The following PPP1R9A variants were observed in gnomAD, a reference collection of about 807,000 sequenced individuals.
PPP1R9A encodes the protein protein phosphatase 1 regulatory subunit 9A.
Under a neutral mutation model 141.9 loss-of-function variants are expected in PPP1R9A, and 59 were observed. That is an observed-to-expected ratio of 0.42 (90% confidence interval 0.34 to 0.52). The LOEUF is 0.52. Ranked by LOEUF, PPP1R9A falls within the 20% of genes least tolerant of loss-of-function variation. The probability of loss-of-function intolerance (pLI) is 0.10; values close to 1 mark genes in which losing one functional copy is unlikely to be tolerated. For synonymous variants in PPP1R9A, 500 were observed against 569.7 expected (o/e 0.88, Z 1.74); for missense variants, 1,444 against 1,611.9 (o/e 0.90, Z 1.78).
intron 2 of PPP1R9A, among the ~76,000 whole-genome samples, chr7:94,927,268 A>G (rs1793598644): frequency 6.6e-6 from 1 of 152,154 alleles, no homozygotes. Flanking sequence ...GCCCTTGATA[A>G]TATCCTCTTT....
chr7:95,008,108 A>G (rs988918217), intron 2 of PPP1R9A, among the ~76,000 whole-genome samples: 1 of 152,096 alleles, frequency 6.6e-6, no homozygotes, highest in Non-Finnish European at 1.5e-5. Context: ...ACCAAGCTTC[A>G]GTTTTTTCTC....
Position 95,290,310 on chromosome 7 carries a change from C to T in PPP1R9A, c.*7C>T. ...GGGTGCTGGTGAGCAGTAACACATA[C>T]CCTCTTACAGATGATGGAGATGCTC... On this transcript the variant is annotated 3_prime_UTR_variant, in exon 20 of 20. Coordinates refer to ENST00000433360, the MANE Select transcript of PPP1R9A (RefSeq NM_001166160.2). 1 of 1,604,666 alleles carries T rather than the reference C, an allele frequency of 6.2e-7. No homozygotes were observed. Among genetic ancestry groups the T allele is most frequent in the Non-Finnish European group, 8.5e-7 (1 of 1,175,328 alleles).
chr7:95,252,665 G>A (rs1458550590), intron 12 of PPP1R9A, among the ~76,000 whole-genome samples: 2 of 151,796 alleles, frequency 1.3e-5, no homozygotes, highest in Non-Finnish European at 2.9e-5. Context: ...GTGGGCTTTT[G>A]CCTTGTTGGC....
rs115299139 is a variant in PPP1R9A at position 94,941,028 on chromosome 7, G to A, written c.1395+29520G>A. Among the ~76,000 whole-genome samples, 296 of 152,176 alleles carry A rather than the reference G, an allele frequency of 1.9e-3. 2 individuals are homozygous for A. Among genetic ancestry groups the A allele is most frequent in the African/African-American group, 6.5e-3 (271 of 41,554 alleles). On this transcript the variant is annotated intron_variant, in intron 2 of 19. Transcript: ENST00000433360. ...GGAATACATTATGCACAGTTACTGT[G>A]TGTCTTCATTTTGCAGAAAGAAAAG...
At position 95,074,179 on chromosome 7, in the gene PPP1R9A, A is replaced by C. The variant is rs558096000; in HGVS notation, c.1396-37080A>C. On this transcript the variant is annotated intron_variant, in intron 2 of 19. Coordinates refer to ENST00000433360, the MANE Select transcript of PPP1R9A (RefSeq NM_001166160.2). ...TGAGCTTTCAGTAAACTTGTGTATG[A>C]AAAGTACTTAGTTATTGGCAAAATA... Among the ~76,000 whole-genome samples, 83 of 152,320 alleles carry C rather than the reference A, an allele frequency of 5.4e-4. 1 individual carries two copies. The highest frequency in any genetic ancestry group is 1.9e-3 in the African/African-American group (80 of 41,588).
At position 94,910,847 on chromosome 7, in the gene PPP1R9A, A is replaced by G. The variant is rs1562978200; in HGVS notation, c.734A>G (p.Asn245Ser). 1 of 1,613,918 alleles carries G rather than the reference A, an allele frequency of 6.2e-7. No homozygotes were observed. Among genetic ancestry groups the G allele is most frequent in the Non-Finnish European group, 8.5e-7 (1 of 1,180,016 alleles). Residue 245 changes from asparagine (N) to serine (S), a missense_variant, in exon 2 of 20, where the codon AAT becomes AGT. This residue lies in a region of PPP1R9A where 490 missense variants were observed against 521.1 expected (regional missense o/e 0.94). Coordinates refer to ENST00000433360, the MANE Select transcript of PPP1R9A (RefSeq NM_001166160.2). This position sits in a 1 kb window ranked among gnomAD's most constrained non-coding sequence, Gnocchi z 4.5. ...AATTTACCATCTGTTACTGTTACAAATCTTGACACATTTGGTCACCTGAAG... is the reference window on the plus strand; with the variant it reads ...AATTTACCATCTGTTACTGTTACAAGTCTTGACACATTTGGTCACCTGAAG... ...PLNLPSVTVTNLDTFGHLKDS... is the reference protein window; with the variant it reads ...PLNLPSVTVTSLDTFGHLKDS...
intron 4 of PPP1R9A, among the ~76,000 whole-genome samples, chr7:95,145,014 A>G (rs1011511862): frequency 6.6e-6 from 1 of 152,226 alleles, no homozygotes; most frequent in African/African-American, 2.4e-5. Context: ...ATACTTTGTA[A>G]TATATTTAAC....
chr7:95,005,184 T>C (rs926411556), intron 2 of PPP1R9A, among the ~76,000 whole-genome samples: 1 of 152,142 alleles, frequency 6.6e-6, no homozygotes, highest in Non-Finnish European at 1.5e-5. Context: ...AAGTGATTTA[T>C]TTACTTTTTA....
intron 2 of PPP1R9A, among the ~76,000 whole-genome samples, chr7:94,968,045 A>G (rs1393518148): frequency 6.6e-6 from 1 of 152,182 alleles, no homozygotes; most frequent in Non-Finnish European, 1.5e-5. Context: ...GTGGGAGTCT[A>G]AATCTCTTCG....
At chr7:95,236,754 G>T (rs1455530892) in intron 8 of PPP1R9A, among the ~76,000 whole-genome samples, 3 of 149,448 alleles carry the variant, frequency 2.0e-5, no homozygotes, top group African/African-American at 7.4e-5. Flanking sequence ...CTTCTTGGTT[G>T]ATTAATTGCA....
chr7:95,093,599 CATT>C (rs970260685), intron 2 of PPP1R9A, among the ~76,000 whole-genome samples: 39 of 152,210 alleles, frequency 2.6e-4, no homozygotes, highest in African/African-American at 8.9e-4. Context: ...AAAATGGAAA[CATT>C]ATAAAATTTT....
chr7:95,243,792 C>T (rs570752375), intron 8 of PPP1R9A, among the ~76,000 whole-genome samples: 14 of 151,974 alleles, frequency 9.2e-5, no homozygotes, highest in African/African-American at 1.4e-4. Flanking sequence ...GCCCTGCCTC[C>T]CCCAGTCATT....
At chr7:95,283,228 T>C (rs779087659) in intron 16 of PPP1R9A, among the ~76,000 whole-genome samples, 109 of 152,366 alleles carry the variant, frequency 7.2e-4, no homozygotes, top group Non-Finnish European at 1.2e-3. Flanking sequence ...AAATCTGTTT[T>C]CAAACTGCGT....
chr7:95,119,278 G>A (rs1822091043), intron 3 of PPP1R9A, among the ~76,000 whole-genome samples: 2 of 151,758 alleles, frequency 1.3e-5, no homozygotes, highest in African/African-American at 2.4e-5. Context: ...ATGGATAAAC[G>A]TGATTTGTAA....
intron 5 of PPP1R9A, among the ~76,000 whole-genome samples, chr7:95,170,005 G>A (rs1831865258): frequency 6.6e-6 from 1 of 150,378 alleles, no homozygotes; most frequent in African/African-American, 2.4e-5. Flanking sequence ...CAATAAGGTA[G>A]CAAAAGGGCT....
chr7:95,052,930 A>G (rs997283305), intron 2 of PPP1R9A, among the ~76,000 whole-genome samples: 4 of 152,052 alleles, frequency 2.6e-5, no homozygotes, highest in Admixed American at 6.6e-5. Flanking sequence ...GCTCTATATC[A>G]TGCTCTCATC....
intron 2 of PPP1R9A, among the ~76,000 whole-genome samples, chr7:94,989,190 A>G (rs567703619): frequency 1.1e-3 from 169 of 152,028 alleles, no homozygotes; most frequent in Non-Finnish European, 2.1e-3. Context: ...AAAAAACCCC[A>G]CTGACTTAGG....
intron 2 of PPP1R9A, among the ~76,000 whole-genome samples, chr7:94,926,954 C>T (rs149024714): frequency 3.1e-3 from 473 of 152,070 alleles, no homozygotes; most frequent in African/African-American, 0.011. Flanking sequence ...GTATTTTTTG[C>T]CTGGATGTTT....
chr7:95,208,305 T>G (rs1429922861), intron 7 of PPP1R9A, among the ~76,000 whole-genome samples: 1 of 152,182 alleles, frequency 6.6e-6, no homozygotes, highest in Non-Finnish European at 1.5e-5. Flanking sequence ...ATAGTGAAGT[T>G]GAGCCCCCAT....
Sources: allele counts gnomAD v4.1 joint callset (sites outside exome capture counted in the v4.1 genomes callset), GRCh38; gene constraint gnomAD v4.1.1; regional missense constraint gnomAD v4.1.1; non-coding constraint Gnocchi (gnomAD v3.1); transcripts MANE v1.5; gene names NCBI Gene and HGNC (gene_info 2026-07-23, HGNC 2026-07-21).